The following CSMD1 variants were observed in gnomAD, a reference collection of about 807,000 sequenced individuals.
CSMD1 encodes CUB and Sushi multiple domains 1.
A neutral mutation model predicts 417.5 loss-of-function variants in CSMD1; 213 were observed. The ratio of observed to expected loss-of-function variants is 0.51; its 90% CI spans 0.46 to 0.57. The LOEUF (loss-of-function observed/expected upper bound fraction) is 0.57. Ranked by LOEUF, CSMD1 falls within the 20% of genes least tolerant of loss-of-function variation. The probability of loss-of-function intolerance (pLI) is 0.00; values close to 1 mark genes in which losing one functional copy is unlikely to be tolerated. For missense variants in CSMD1, 6,923 were observed against 4,529.7 expected (o/e 1.53, Z -15.17); for synonymous variants, 2,862 against 1,736.8 (o/e 1.65, Z -16.11).
chr8:3,952,978 T>C (rs1811690626), intron 5 of CSMD1, among the ~76,000 whole-genome samples: 1 of 149,196 alleles, frequency 6.7e-6, no homozygotes, highest in Non-Finnish European at 1.5e-5. Context: ...GAATACACTA[T>C]TTAAAAATTA....
At chr8:4,237,986 G>A (rs1199483911) in intron 3 of CSMD1, among the ~76,000 whole-genome samples, 1 of 152,168 alleles carries the variant, frequency 6.6e-6, no homozygotes, top group Non-Finnish European at 1.5e-5. Context: ...GGTGACAGAG[G>A]CATGCACAGG....
At chr8:4,050,453 A>T (rs1028147638) in intron 3 of CSMD1, among the ~76,000 whole-genome samples, 1 of 152,174 alleles carries the variant, frequency 6.6e-6, no homozygotes, top group Non-Finnish European at 1.5e-5. Flanking sequence ...TATGGGGTAC[A>T]TATTTTGATA....
Position 4,866,822 on chromosome 8 carries a change from C to G in CSMD1, c.85+127510G>C, listed in dbSNP as rs142904992. ...TATTCCAATGATACAGGATCCTTAC[C>G]TTTTCATGATTTTTAAAAATTATAA... On this transcript the variant is annotated intron_variant, in intron 1 of 69. Transcript: ENST00000635120. 4.9e-3 allele frequency among the ~76,000 whole-genome samples: 745 copies of G among 151,956 alleles called. 3 individuals carry two copies. The highest frequency in any genetic ancestry group is 0.016 in the South Asian group (78 of 4,814).
intron 1 of CSMD1, among the ~76,000 whole-genome samples, chr8:4,883,463 C>T (rs370282639): frequency 6.6e-6 from 1 of 152,034 alleles, no homozygotes; most frequent in Non-Finnish European, 1.5e-5. Context: ...AAAGAAATAC[C>T]CATGACCATT....
chr8:3,803,624 C>A (rs143676750), intron 5 of CSMD1, among the ~76,000 whole-genome samples: 58 of 152,254 alleles, frequency 3.8e-4, no homozygotes, highest in Admixed American at 9.8e-4. Context: ...GGACTCAGAA[C>A]ATTTGAGCCT....
At chr8:3,527,723 G>A (rs1038781293) in intron 10 of CSMD1, among the ~76,000 whole-genome samples, 3 of 152,172 alleles carry the variant, frequency 2.0e-5, no homozygotes, top group African/African-American at 4.8e-5. Context: ...ACTGGTGGGA[G>A]GGGTGGGTGA....
chr8:3,412,035 CACATATAT>C (rs1272148609), intron 12 of CSMD1, among the ~76,000 whole-genome samples: 1 of 21,044 alleles, frequency 4.8e-5, no homozygotes, highest in Admixed American at 6.1e-4. Flanking sequence ...CGTATATATA[CACATATAT>C]ACACGTATAT....
chr8:3,812,838 T>G (rs1249082952), intron 5 of CSMD1, among the ~76,000 whole-genome samples: 22 of 152,224 alleles, frequency 1.4e-4, no homozygotes, highest in Admixed American at 1.4e-3. Context: ...TTGAAACATT[T>G]ATTTCATCAC....
chr8:3,255,816 G>A (rs551571729), intron 26 of CSMD1, among the ~76,000 whole-genome samples: 45 of 152,206 alleles, frequency 3.0e-4, no homozygotes, highest in Non-Finnish European at 5.3e-4. Context: ...TGTGCTTCCC[G>A]GGTGATGTGA....
At chr8:4,174,841 C>A (rs1488693163) in intron 3 of CSMD1, among the ~76,000 whole-genome samples, 2 of 139,098 alleles carry the variant, frequency 1.4e-5, no homozygotes, top group Non-Finnish European at 3.1e-5. Flanking sequence ...ATTACACCTT[C>A]GCCTCAAAAT....
rs11293138 is a variant in CSMD1 at position 3,655,659 on chromosome 8, GTTTTTT to G, written c.1010-38868_1010-38863del. ...TACAAGATGACTCAATGGAGGTTGC[GTTTTTT>G]TTTTTTTTTTTTTTTTAATCTTCCA... On this transcript the variant is annotated intron_variant, in intron 7 of 69. Coordinates refer to ENST00000635120, the MANE Select transcript of CSMD1 (RefSeq NM_033225.6). 8.6e-5 allele frequency among the ~76,000 whole-genome samples: 12 copies of G among 139,588 alleles called. 1 individual carries two copies. In the South Asian group the frequency reaches 9.3e-4, roughly 11 times the overall value. The allele number at this position is 139,588 out of a possible 152,430, so 91.6% of individuals were successfully genotyped here.
intron 42 of CSMD1, among the ~76,000 whole-genome samples, chr8:3,112,716 G>C (rs1816594211): frequency 6.6e-6 from 1 of 152,174 alleles, no homozygotes; most frequent in African/African-American, 2.4e-5. Flanking sequence ...TAGTGATGAA[G>C]AGAGATATTA....
In CSMD1 at chr8:3,796,460, T is replaced by G. The variant is rs183281857; in HGVS notation, c.819-42418A>C. Among the ~76,000 whole-genome samples, 54 of 138,604 alleles carry G rather than the reference T, an allele frequency of 3.9e-4. 4 individuals are homozygous for G. In the East Asian group the frequency reaches 0.012, roughly 30 times the overall value. The allele number at this position is 138,604 out of a possible 152,430, so 90.9% of individuals were successfully genotyped here. A position where few individuals can be genotyped will look rare whatever the true frequency, so the allele number is the denominator to read the frequency against. ...TATCTATCGTGTATAGATATAGATA[T>G]CTATCATGTATATAGATATCTATCT... On this transcript the variant is annotated intron_variant, in intron 5 of 69. Transcript: ENST00000635120.
At chr8:4,134,185 AG>A (rs1024792412) in intron 3 of CSMD1, among the ~76,000 whole-genome samples, 1 of 152,198 alleles carries the variant, frequency 6.6e-6, no homozygotes, top group Admixed American at 6.5e-5. Flanking sequence ...TTAAAATTAA[AG>A]TTGAAGGAAA....
intron 2 of CSMD1, among the ~76,000 whole-genome samples, chr8:4,533,873 G>A (rs553768900): frequency 2.0e-5 from 3 of 149,468 alleles, no homozygotes; most frequent in South Asian, 4.2e-4. Flanking sequence ...GTATGTATGT[G>A]TATAAATAAA....
At chr8:3,841,582 A>C (rs1255694887) in intron 5 of CSMD1, among the ~76,000 whole-genome samples, 2 of 152,144 alleles carry the variant, frequency 1.3e-5, no homozygotes, top group Admixed American at 1.3e-4. Flanking sequence ...CAAAATCACC[A>C]AATATTAGCA....
chr8:4,842,227 G>A (rs139619224), intron 1 of CSMD1, among the ~76,000 whole-genome samples: 1 of 152,150 alleles, frequency 6.6e-6, no homozygotes, highest in Non-Finnish European at 1.5e-5. Flanking sequence ...TGGGAATTAA[G>A]GGAACCAGGG....
Position 4,564,917 on chromosome 8 carries a change from T to C in CSMD1, c.302+72425A>G, listed in dbSNP as rs1254670418. Among the ~76,000 whole-genome samples the C allele has an allele frequency of 2.0e-5, 3 of 152,232 alleles. No individual in the cohort carries two copies. In the East Asian group the frequency reaches 5.8e-4, roughly 29 times the overall value. ...TTAATTCACCCATTTCTCTATGATA[T>C]AGTTAATAGCGGCTTTTCTAGTGTT... On this transcript the variant is annotated intron_variant, in intron 2 of 69. Coordinates refer to ENST00000635120, the MANE Select transcript of CSMD1 (RefSeq NM_033225.6).
At chr8:4,433,244 C>G (rs1797970234) in intron 2 of CSMD1, among the ~76,000 whole-genome samples, 1 of 152,114 alleles carries the variant, frequency 6.6e-6, no homozygotes, top group South Asian at 2.1e-4. Context: ...TATAAATGTA[C>G]TACATTTGAA....
Sources: allele counts gnomAD v4.1 joint callset (sites outside exome capture counted in the v4.1 genomes callset), GRCh38; gene constraint gnomAD v4.1.1; transcripts MANE v1.5; gene names NCBI Gene and HGNC (gene_info 2026-07-23, HGNC 2026-07-21).